The following GNG2 variants were observed in gnomAD, a reference collection of about 807,000 sequenced individuals.
GNG2 encodes the protein guanine nucleotide-binding protein G(I)/G(S)/G(O) subunit gamma-2.
GNG2 carries 5 observed loss-of-function variants against 5.5 expected under a neutral mutation model. The observed-to-expected ratio is 0.91, with a 90% CI of 0.48 to 1.92. The LOEUF (loss-of-function observed/expected upper bound fraction) is 1.92, where lower values mean the gene tolerates loss of function less well. Among genes scored for constraint, GNG2 ranks in the 30% most tolerant of loss-of-function variants. GNG2 has a pLI of 0.01. For synonymous variants in GNG2, 28 were observed against 32.0 expected, an observed-to-expected ratio of 0.88 and a Z score of 0.42; for missense variants, 55 against 88.4, an observed-to-expected ratio of 0.62 and a Z score of 1.52.
At chr14:51,894,797 T>G (rs4901171) in intron 2 of GNG2, among the ~76,000 whole-genome samples, 45,460 of 151,966 alleles carry the variant, frequency 0.3, 7,661 homozygotes, top group South Asian at 0.39. Context: ...CTACAGTACT[T>G]CTGTACTTAT....
intron 1 of GNG2, among the ~76,000 whole-genome samples, chr14:51,875,271 A>ATTTG (rs1883581335): frequency 6.6e-6 from 1 of 152,232 alleles, no homozygotes; most frequent in African/African-American, 2.4e-5. Context: ...GTGGCTTGTC[A>ATTTG]CAAAGGCTCT....
chr14:51,847,383 C>T (rs1473015746), intron 2 of GNG2: 1 of 152,420 alleles, frequency 6.6e-6, no homozygotes, highest in East Asian at 1.9e-4. Flanking sequence ...AAGCAGGTAA[C>T]CGACGTTGTG....
At chr14:51,942,802 T>C (rs1193080015) in intron 2 of GNG2, among the ~76,000 whole-genome samples, 1 of 151,710 alleles carries the variant, frequency 6.6e-6, no homozygotes, top group African/African-American at 2.4e-5. Flanking sequence ...ATTTTCCCAT[T>C]CAAATTTAAA....
intron 1 of GNG2, among the ~76,000 whole-genome samples, chr14:51,875,812 A>G (rs1211469695): frequency 2.0e-5 from 3 of 151,310 alleles, no homozygotes; most frequent in Non-Finnish European, 4.4e-5. Flanking sequence ...AATGCATTTT[A>G]CATTCTTTTT....
At chr14:51,947,082 C>T (rs1241601686) in intron 2 of GNG2, among the ~76,000 whole-genome samples, 1 of 152,156 alleles carries the variant, frequency 6.6e-6, no homozygotes, top group Non-Finnish European at 1.5e-5. Flanking sequence ...CTCTTAAGTC[C>T]ATTGAGGTTT....
At chr14:51,845,892 G>A (rs902952797) in intron 2 of GNG2, among the ~76,000 whole-genome samples, 3 of 152,148 alleles carry the variant, frequency 2.0e-5, no homozygotes, top group Non-Finnish European at 4.4e-5. Flanking sequence ...GGTAGTTACA[G>A]GGCTGGATCC....
intron 2 of GNG2, among the ~76,000 whole-genome samples, chr14:51,836,205 C>T (rs918247305): frequency 6.6e-6 from 1 of 151,956 alleles, no homozygotes; most frequent in African/African-American, 2.4e-5. Context: ...CGTCCACCCT[C>T]ATGACCTGAT....
At chr14:51,850,863 A>G (rs1256366619) in intron 2 of GNG2, among the ~76,000 whole-genome samples, 2 of 152,122 alleles carry the variant, frequency 1.3e-5, no homozygotes, top group Non-Finnish European at 2.9e-5. Flanking sequence ...GTGAGAGCTC[A>G]CTTATCACTA....
At position 51,966,640 on chromosome 14, in the gene GNG2, T is replaced by C; in HGVS notation, c.169T>C (p.Ser57Pro). 1 of 1,613,872 alleles carries C rather than the reference T, an allele frequency of 6.2e-7. No homozygotes were observed. Residue 57 changes from serine to proline, a missense_variant, in exon 4 of 4, where the codon TCA becomes CCA. By Grantham distance (74) the Ser-to-Pro change is moderately conservative. Coordinates refer to ENST00000556766, the MANE Select transcript of GNG2 (RefSeq NM_053064.5). ...CCCCCTCCTGACCCCTGTTCCGGCTTCAGAAAACCCGTTTAGGGAGAAGAA... is the reference window on the plus strand; with the variant it reads ...CCCCCTCCTGACCCCTGTTCCGGCTCCAGAAAACCCGTTTAGGGAGAAGAA... ...EDPLLTPVPA[S>P]ENPFREKKFF...
chr14:51,877,145 T>A (rs1216669175), intron 1 of GNG2, among the ~76,000 whole-genome samples: 1 of 152,160 alleles, frequency 6.6e-6, no homozygotes, highest in Non-Finnish European at 1.5e-5. Flanking sequence ...TCCACCCTCC[T>A]AAAGGGCCAG....
chr14:51,917,377 C>T (rs546424391), intron 2 of GNG2: 96 of 456,078 alleles, frequency 2.1e-4, no homozygotes, highest in Admixed American at 1.2e-3. Flanking sequence ...TCCCATTTGT[C>T]AGACAGCAAC....
Position 51,919,929 on chromosome 14 carries a change from C to T in GNG2, c.-29-30721C>T, listed in dbSNP as rs142300437. On this transcript the variant is annotated intron_variant, in intron 2 of 3. Coordinates refer to ENST00000556766, the MANE Select transcript of GNG2 (RefSeq NM_053064.5). Reference sequence around the variant, plus strand: ...TGGCCCCTGTCATGGAGTGTACTGTCTAGCTGGGGAGCAGAACTAAACACA... The same window carrying T: ...TGGCCCCTGTCATGGAGTGTACTGTTTAGCTGGGGAGCAGAACTAAACACA... Among the ~76,000 whole-genome samples the T allele has an allele frequency of 9.2e-4, 140 of 152,262 alleles. 1 individual carries two copies. The highest frequency in any genetic ancestry group is 3.3e-3 in the African/African-American group (139 of 41,536).
intron 2 of GNG2, among the ~76,000 whole-genome samples, chr14:51,911,545 C>T (rs976794896): frequency 2.8e-5 from 4 of 143,048 alleles, no homozygotes. Flanking sequence ...ATAATGATAG[C>T]TTTTTTTTTT....
intron 2 of GNG2, among the ~76,000 whole-genome samples, chr14:51,906,346 C>G (rs1251094052): frequency 6.6e-6 from 1 of 152,142 alleles, no homozygotes; most frequent in Non-Finnish European, 1.5e-5. Flanking sequence ...AGCCTATTCT[C>G]TTTTTTTGTT....
chr14:51,965,091 A>G (rs1889820127), intron 3 of GNG2, among the ~76,000 whole-genome samples: 1 of 152,202 alleles, frequency 6.6e-6, no homozygotes. Flanking sequence ...GTTTCTGCCC[A>G]TAATTGATCC....
At chr14:51,910,127 A>G (rs1566680406) in intron 2 of GNG2, among the ~76,000 whole-genome samples, 1 of 152,210 alleles carries the variant, frequency 6.6e-6, no homozygotes, top group Non-Finnish European at 1.5e-5. Flanking sequence ...AAGATATACA[A>G]TAATATAATC....
intron 2 of GNG2, among the ~76,000 whole-genome samples, chr14:51,835,373 T>C (rs1478684348): frequency 6.6e-6 from 1 of 152,220 alleles, no homozygotes; most frequent in Non-Finnish European, 1.5e-5. Context: ...TTACTATTTA[T>C]GTTCAGACCT....
chr14:51,849,224 C>T (rs1200067759), intron 2 of GNG2, among the ~76,000 whole-genome samples: 6 of 152,186 alleles, frequency 3.9e-5, no homozygotes, highest in Non-Finnish European at 7.3e-5. Context: ...ATCCTCCCCA[C>T]ATCGACCTCT....
At chr14:51,956,065 C>T (rs1313391811) in intron 3 of GNG2, among the ~76,000 whole-genome samples, 1 of 152,154 alleles carries the variant, frequency 6.6e-6, no homozygotes, top group Non-Finnish European at 1.5e-5. Flanking sequence ...TATCCCTTCC[C>T]TAAAATGCTT....
Sources: allele counts gnomAD v4.1 joint callset (sites outside exome capture counted in the v4.1 genomes callset), GRCh38; gene constraint gnomAD v4.1.1; transcripts MANE v1.5; gene names NCBI Gene and HGNC (gene_info 2026-07-23, HGNC 2026-07-21).